SUPT6H: variants seen among roughly 807,000 people sequenced by gnomAD.
SUPT6H encodes the protein transcription elongation factor SPT6.
SUPT6H carries 11 observed loss-of-function variants against 222.3 expected under a neutral mutation model. The observed-to-expected ratio is 0.05, with a 90% CI of 0.03 to 0.08. The LOEUF is 0.08. Ranked by LOEUF, SUPT6H falls within the 10% of genes least tolerant of loss-of-function variation. The pLI is 1.00. For missense variants in SUPT6H, 1,422 were observed against 2,216.0 expected (o/e 0.64, Z 7.19); for synonymous variants, 762 against 801.2 (o/e 0.95, Z 0.83).
chr17:28,662,604 C>T (rs1213260856), intron 1 of SUPT6H, among the ~76,000 whole-genome samples: 1 of 152,270 alleles, frequency 6.6e-6, no homozygotes, highest in Admixed American at 6.5e-5. Context: ...GCATCCCGTC[C>T]TTCTCTCCGC....
At position 28,688,331 on chromosome 17, in the gene SUPT6H, T is replaced by A; in HGVS notation, c.3134+113T>A. 1.5e-6 allele frequency: 2 copies of A among 1,366,344 alleles called. No individual in the cohort carries two copies. The highest frequency in any genetic ancestry group is 3.1e-5 in the South Asian group (2 of 63,642). 84.6% of individuals were successfully genotyped at this position (1,366,344 alleles called of 1,614,324 possible). ...CAAGCCATTTTAACTTAGGAAATGT[T>A]TTAAAGAAAAGGTAAGGAACTTTAT... On this transcript the variant is annotated intron_variant, in intron 24 of 36. Transcript: ENST00000314616. This position sits in a 1 kb window ranked among gnomAD's most constrained non-coding sequence, Gnocchi z 4.3.
At chr17:28,677,652 A>C in intron 7 of SUPT6H, 63 bp from the exon 8 acceptor site, 1 of 1,186,690 alleles carries the variant, frequency 8.4e-7, no homozygotes, top group Non-Finnish European at 1.2e-6. Context: ...CCAAAAAGGT[A>C]TGTTTTTCTT....
chr17:28,675,313 A>C, intron 5 of SUPT6H, 88 bp from the exon 6 acceptor site: 2 of 1,514,308 alleles, frequency 1.3e-6, no homozygotes, highest in South Asian at 2.3e-5. Flanking sequence ...TCTGTTGCTC[A>C]CTGGCCACTC....
rs1388063477 is a variant in SUPT6H, at chr17:28,678,010, C to T, written c.1000-66C>T. The stretch of plus-strand genomic sequence containing the variant: ...AGAAAGGTTATCCTTTGTTATTAAG[C>T]AGTCTTGTATGGTAAGACAAACCAA... On this transcript the variant is annotated intron_variant, in intron 8 of 36. Coordinates refer to ENST00000314616, the MANE Select transcript of SUPT6H (RefSeq NM_003170.5). The T allele has an allele frequency of 2.0e-6, 3 of 1,487,782 alleles. No homozygotes were observed. The African/African-American group carries it at 4.2e-5, about 21-fold the overall frequency. 92.2% of individuals were successfully genotyped at this position (1,487,782 alleles called of 1,614,324 possible).
In SUPT6H at chr17:28,692,507, T is replaced by C. The variant is rs1399294721; in HGVS notation, c.3634-1189T>C. On this transcript the variant is annotated intron_variant, in intron 27 of 36. Coordinates refer to ENST00000314616, the MANE Select transcript of SUPT6H (RefSeq NM_003170.5). ...GATTAGCAGGGTGTGGTGGTGAGAC[T>C]CCTATCTCAAAAAAAAACACAAAAG... 2.8e-5 allele frequency among the ~76,000 whole-genome samples: 4 copies of C among 144,298 alleles called. No individual in the cohort carries two copies. The East Asian group carries it at 8.2e-4, about 30-fold the overall frequency. 94.7% of individuals were successfully genotyped at this position (144,298 alleles called of 152,430 possible). A position where few individuals can be genotyped will look rare whatever the true frequency, so the allele number is the denominator to read the frequency against.
At position 28,693,842 on chromosome 17, in the gene SUPT6H, G is replaced by A; in HGVS notation, c.3774+6G>A. ...GGCCAGAAGAACGAGTGAAGGTAGA[G>A]GACTGATTGTCCTAAGGTCGTAGTG... On this transcript the variant is annotated splice_donor_region_variant and intron_variant, in intron 28 of 36. Transcript: ENST00000314616. 1 of 1,614,168 alleles carries A rather than the reference G, an allele frequency of 6.2e-7. No homozygotes were observed. The highest frequency in any genetic ancestry group is 8.5e-7 in the Non-Finnish European group (1 of 1,180,020).
At position 28,678,722 on chromosome 17, in the gene SUPT6H, T is replaced by C. The variant is rs534901518; in HGVS notation, c.1206+88T>C. ...ACCACAAACCCAAACCCCCCAGGCC[T>C]GTCTAGTCCTCCCCCACTAGGTTTC... On this transcript the variant is annotated intron_variant, in intron 10 of 36. Coordinates refer to ENST00000314616, the MANE Select transcript of SUPT6H (RefSeq NM_003170.5). 4 of 1,609,818 alleles carry C rather than the reference T, an allele frequency of 2.5e-6. No homozygotes were observed. In the East Asian group the frequency reaches 8.9e-5, roughly 36 times the overall value.
chr17:28,701,344 C>CAT, intron 36 of SUPT6H, 95 bp from the exon 37 acceptor site: 1 of 1,496,748 alleles, frequency 6.7e-7, no homozygotes. Flanking sequence ...GGCTGCTGCC[C>CAT]ATAGGTATGA....
At chr17:28,677,217 CAAA>C (rs770661947) in intron 7 of SUPT6H, among the ~76,000 whole-genome samples, 2 of 132,268 alleles carry the variant, frequency 1.5e-5, no homozygotes, top group African/African-American at 2.8e-5. Context: ...TACTAAAATA[CAAA>C]AAAAAAAAAA....
intron 28 of SUPT6H, chr17:28,695,075 T>G: frequency 8.4e-6 from 3 of 357,038 alleles, no homozygotes; most frequent in Non-Finnish European, 1.0e-5. Context: ...GGCAACTTCA[T>G]GGGAGAAGAG....
In SUPT6H at chr17:28,692,591, G is replaced by A. The variant is rs1429186462; in HGVS notation, c.3634-1105G>A. 2.0e-5 allele frequency among the ~76,000 whole-genome samples: 3 copies of A among 147,908 alleles called. No individual in the cohort carries two copies. In the Admixed American group the frequency reaches 2.0e-4, roughly 10 times the overall value. On this transcript the variant is annotated intron_variant, in intron 27 of 36. Coordinates refer to ENST00000314616, the MANE Select transcript of SUPT6H (RefSeq NM_003170.5). ...GTTGGATAAACATAAAAGAGGATGG[G>A]GCACAGTCACACCAGTAATCCCAGC...
At chr17:28,678,699 C>T (rs1025952108) in intron 10 of SUPT6H, 65 bp downstream of exon 10, 3 of 1,610,850 alleles carry the variant, frequency 1.9e-6, no homozygotes, top group African/African-American at 2.7e-5. Flanking sequence ...ACCAGGATAC[C>T]ACAAACCCAA....
Position 28,683,283 on chromosome 17 carries a change from C to T in SUPT6H, c.1894C>T (p.His632Tyr), listed in dbSNP as rs1454509767. Residue 632 changes from histidine (H) to tyrosine (Y), a missense_variant, in exon 16 of 37, where the codon CAC becomes TAC. His to Tyr is a moderately conservative substitution (Grantham distance 83). Around this residue, in one of 13 missense-constraint regions of SUPT6H, gnomAD observed 121 missense variants for 158.0 expected, o/e 0.77. Coordinates refer to ENST00000314616, the MANE Select transcript of SUPT6H (RefSeq NM_003170.5). Reference protein sequence around the residue: ...KKGRKDVDEAHYAYSFKYLKN... With the variant: ...KKGRKDVDEAYYAYSFKYLKN... ...ATGTGTGCAGGATGTGGATGAGGCCCACTATGCCTATTCCTTCAAGTATTT... is the reference window on the plus strand; with the variant it reads ...ATGTGTGCAGGATGTGGATGAGGCCTACTATGCCTATTCCTTCAAGTATTT... The T allele has an allele frequency of 2.5e-6, 4 of 1,614,124 alleles. No individual in the cohort carries two copies. The highest frequency in any genetic ancestry group is 2.5e-6 in the Non-Finnish European group (3 of 1,180,004).
chr17:28,677,126 A>G (rs1270883440), intron 7 of SUPT6H, among the ~76,000 whole-genome samples: 1 of 151,652 alleles, frequency 6.6e-6, no homozygotes, highest in Non-Finnish European at 1.5e-5. Context: ...TAATCCTAGC[A>G]CTTTGGGAGG....
At chr17:28,685,264 G>A (rs1266403560) in intron 19 of SUPT6H, among the ~76,000 whole-genome samples, 2 of 152,128 alleles carry the variant, frequency 1.3e-5, no homozygotes, top group South Asian at 4.1e-4. Context: ...GAAAGCTACT[G>A]AGGCATGAAG....
chr17:28,669,198 GTT>G (rs377085961), intron 1 of SUPT6H, among the ~76,000 whole-genome samples: 3 of 152,228 alleles, frequency 2.0e-5, no homozygotes, highest in African/African-American at 4.8e-5. Context: ...AGTTTTTTGG[GTT>G]TTTTTGTTTG....
In SUPT6H at chr17:28,702,208, T is replaced by G. The variant is rs541876754; in HGVS notation, c.*583T>G. On this transcript the variant is annotated 3_prime_UTR_variant, in exon 37 of 37. Transcript: ENST00000314616. ...GCTGCCACCGCTTCCTGCCTGTCAT[T>G]TGAATAAACAGTGTTTCTATTGAGC... The G allele has an allele frequency of 6.5e-6, 1 of 153,826 alleles. No individual in the cohort carries two copies. The highest frequency in any genetic ancestry group is 2.4e-5 in the African/African-American group (1 of 41,452). The allele number at this position is 153,826 out of a possible 1,614,324, so 9.5% of individuals were successfully genotyped here. A position where few individuals can be genotyped will look rare whatever the true frequency, so the allele number is the denominator to read the frequency against.
chr17:28,690,000 A>G, intron 25 of SUPT6H, 82 bp from the exon 26 acceptor site: 17 of 1,493,558 alleles, frequency 1.1e-5, no homozygotes, highest in Non-Finnish European at 1.5e-5. Flanking sequence ...CCATCTGGAG[A>G]GGCCCGCCCC....
intron 1 of SUPT6H, among the ~76,000 whole-genome samples, chr17:28,662,773 G>C (rs1027487109): frequency 6.6e-6 from 1 of 152,152 alleles, no homozygotes; most frequent in Admixed American, 6.5e-5. Flanking sequence ...CCAAATTCCA[G>C]CTCTTTACAT....
Sources: gnomAD v4.1 joint callset for allele counts (sites outside exome capture counted in the v4.1 genomes callset) on GRCh38, gnomAD v4.1.1 for gene constraint, gnomAD v4.1.1 regional missense constraint, Gnocchi (gnomAD v3.1) non-coding constraint, MANE v1.5 for transcripts, NCBI Gene and HGNC (gene_info 2026-07-23, HGNC 2026-07-21) for gene names.